DNAH12: variants seen among roughly 807,000 people sequenced by gnomAD.
DNAH12 encodes dynein axonemal heavy chain 12, also known as axonemal beta dynein heavy chain 12.
DNAH12 carries 285 observed loss-of-function variants against 371.5 expected under a neutral mutation model. The observed-to-expected ratio is 0.77, with a 90% CI of 0.70 to 0.85. DNAH12 has a LOEUF of 0.85. DNAH12 is among the 40% of genes least tolerant of loss of function. The pLI is 0.00. For synonymous variants in DNAH12, 1,200 were observed against 1,213.0 expected (o/e 0.99, Z 0.22); for missense variants, 3,611 against 3,689.4 (o/e 0.98, Z 0.55).
At position 57,293,818 on chromosome 3, in the gene DNAH12, T is replaced by C; in HGVS notation, c.11846A>G (p.Lys3949Arg). 1 of 1,551,344 alleles carries C rather than the reference T, an allele frequency of 6.4e-7. No homozygotes were observed. Among genetic ancestry groups the C allele is most frequent in the Non-Finnish European group, 8.7e-7 (1 of 1,146,812 alleles). The change falls in exon 74 of 74, where the codon AAG becomes AGG. Residue 3949 changes from lysine to arginine, a missense_variant. Lys to Arg is a conservative substitution (Grantham distance 26). Transcript: ENST00000495027. Reference sequence around the variant, plus strand: ...CTGACAAAGCAAAGCAACCCCGCGCTTGATCCAGTGCCGAGTAGGTTGGTC... The same window carrying C: ...CTGACAAAGCAAAGCAACCCCGCGCCTGATCCAGTGCCGAGTAGGTTGGTC... ...KTDQPTRHWIKRGVALLCQLD... is the reference protein window; with the variant it reads ...KTDQPTRHWIRRGVALLCQLD...
chr3:57,542,629 T>C lies in DNAH12; in HGVS notation c.170+72A>G, dbSNP rs185898945. ...TGAACAACCTCCACAGTTAAAACTT[T>C]TTAGGAGAATATGAACACTAATCAT... On this transcript the variant is annotated intron_variant, in intron 2 of 73. Transcript: ENST00000495027. 31 of 1,473,430 alleles carry C rather than the reference T, an allele frequency of 2.1e-5. No individual in the cohort carries two copies. In the Admixed American group the frequency reaches 2.4e-4, roughly 12 times the overall value. The allele number at this position is 1,473,430 out of a possible 1,614,324, so 91.3% of individuals were successfully genotyped here. A position where few individuals can be genotyped will look rare whatever the true frequency, so the allele number is the denominator to read the frequency against.
At position 57,309,245 on chromosome 3, in the gene DNAH12, C is replaced by G; in HGVS notation, c.11095G>C (p.Asp3699His). The G allele has an allele frequency of 6.5e-7, 1 of 1,545,326 alleles. No individual in the cohort carries two copies. Among genetic ancestry groups the G allele is most frequent in the African/African-American group, 1.4e-5 (1 of 72,822 alleles). Residue 3699 changes from aspartate to histidine, a missense_variant, in exon 69 of 74, where the codon GAT (aspartate) becomes CAT (histidine). Physicochemically the swap from Asp to His is moderately conservative, Grantham distance 81. Transcript: ENST00000495027. ...TKDILNKLPS[D>H]FDIEMALRKY... ...CGTAGTGCCATTTCAATGTCGAAAT[C>G]ACTAGGGAGCTAAAAGAATAGATTT...
chr3:57,505,148 C>G (rs1453344876), intron 8 of DNAH12, among the ~76,000 whole-genome samples: 2 of 152,138 alleles, frequency 1.3e-5, no homozygotes, highest in Non-Finnish European at 2.9e-5. Context: ...TTTGGCCTCT[C>G]ACAGTGCTGG....
intron 39 of DNAH12, among the ~76,000 whole-genome samples, chr3:57,410,841 G>A (rs1442195322): frequency 2.7e-5 from 4 of 148,546 alleles, no homozygotes; most frequent in South Asian, 2.1e-4. Flanking sequence ...AGCCAAAAAC[G>A]TCCTAGTAAA....
chr3:57,397,241 C>A (rs999126902), intron 43 of DNAH12, among the ~76,000 whole-genome samples: 6 of 152,108 alleles, frequency 3.9e-5, no homozygotes, highest in Non-Finnish European at 8.8e-5. Context: ...ACACAATTAC[C>A]TTTGTAAGGA....
intron 69 of DNAH12, among the ~76,000 whole-genome samples, chr3:57,307,077 A>G (rs1406306477): frequency 6.6e-6 from 1 of 152,094 alleles, no homozygotes; most frequent in Non-Finnish European, 1.5e-5. Context: ...TTCTTCAGTC[A>G]CGCCCAAATT....
At chr3:57,314,046 A>G (rs1008987936) in intron 66 of DNAH12, among the ~76,000 whole-genome samples, 36 of 152,098 alleles carry the variant, frequency 2.4e-4, no homozygotes, top group African/African-American at 8.5e-4. Flanking sequence ...CCTTTCAATA[A>G]ATTATTTTTC....
At chr3:57,425,328 G>A (rs148155002) in intron 34 of DNAH12, among the ~76,000 whole-genome samples, 187 bp from the exon 35 acceptor site, 3,206 of 152,010 alleles carry the variant, frequency 0.021, 95 homozygotes, top group African/African-American at 0.073. Flanking sequence ...GCTCACTGCA[G>A]CCTCCAACTC....
intron 11 of DNAH12, among the ~76,000 whole-genome samples, chr3:57,490,305 C>T (rs2067072700): frequency 6.6e-6 from 1 of 152,050 alleles, no homozygotes; most frequent in Admixed American, 6.6e-5. Flanking sequence ...GCATTCCAGG[C>T]TGGGTGACAG....
intron 16 of DNAH12, 75 bp downstream of exon 16, chr3:57,470,368 A>AT: frequency 7.1e-7 from 1 of 1,405,040 alleles, no homozygotes; most frequent in Non-Finnish European, 9.4e-7. Flanking sequence ...CACTTAACCA[A>AT]AAAAAAAATC....
At chr3:57,406,002 A>T (rs1575555523) in intron 40 of DNAH12, 50 bp from the exon 41 acceptor site, 1 of 1,473,780 alleles carries the variant, frequency 6.8e-7, no homozygotes. Flanking sequence ...TATAATCAGT[A>T]AAGTCATGTA....
intron 43 of DNAH12, among the ~76,000 whole-genome samples, chr3:57,400,158 T>G (rs2063827301): frequency 6.6e-6 from 1 of 152,082 alleles, no homozygotes; most frequent in Non-Finnish European, 1.5e-5. Flanking sequence ...CATGGTGGTG[T>G]GCACCTGTAA....
At chr3:57,296,556 A>G (rs912767358) in intron 71 of DNAH12, 121 bp from the exon 72 acceptor site, 36 of 815,222 alleles carry the variant, frequency 4.4e-5, no homozygotes, top group Non-Finnish European at 6.4e-5. Flanking sequence ...AGCTTGTTAA[A>G]CTATACATTT....
chr3:57,487,446 A>G lies in DNAH12; in HGVS notation c.1514+2063T>C, dbSNP rs922208057. On this transcript the variant is annotated intron_variant, in intron 12 of 73. Coordinates refer to ENST00000495027, the MANE Select transcript of DNAH12 (RefSeq NM_001366028.2). ...AGAAAAAAAAGAAAGAGCAAGCATT[A>G]ATGTGGATAATGCAAAAAGACAGAT... Among the ~76,000 whole-genome samples, 5 of 152,092 alleles carry G rather than the reference A, an allele frequency of 3.3e-5. 1 individual carries two copies. In the South Asian group the frequency reaches 1.0e-3, roughly 31 times the overall value.
chr3:57,449,286 A>G (rs935546754), intron 25 of DNAH12, among the ~76,000 whole-genome samples: 11 of 152,210 alleles, frequency 7.2e-5, no homozygotes, highest in Admixed American at 7.2e-4. Flanking sequence ...GGCTTCACCT[A>G]GTGGATCCCA....
chr3:57,432,629 A>G, intron 32 of DNAH12, among the ~76,000 whole-genome samples: 1 of 152,222 alleles, frequency 6.6e-6, no homozygotes, highest in East Asian at 1.9e-4. Context: ...CTACAGTAAT[A>G]TGAACATCAC....
At chr3:57,424,914 T>C (rs2064715674) in intron 35 of DNAH12, 108 bp downstream of exon 35, 1 of 569,334 alleles carries the variant, frequency 1.8e-6, no homozygotes, top group Non-Finnish European at 3.1e-6. Flanking sequence ...CTTTCAATGC[T>C]CACCAAAAAA....
intron 4 of DNAH12, among the ~76,000 whole-genome samples, chr3:57,517,275 TTA>T (rs965636787): frequency 5.3e-5 from 8 of 152,304 alleles, no homozygotes; most frequent in Admixed American, 2.6e-4. Context: ...TATTTAATTA[TTA>T]TATGTCTTCC....
chr3:57,543,773 G>A (rs553374474), intron 1 of DNAH12, among the ~76,000 whole-genome samples: 61 of 151,604 alleles, frequency 4.0e-4, no homozygotes, highest in Non-Finnish European at 2.1e-4. Context: ...TGGGCCAGGC[G>A]CGGTGGCTCA....
Sources: gnomAD v4.1 joint callset for allele counts (sites outside exome capture counted in the v4.1 genomes callset) on GRCh38, gnomAD v4.1.1 for gene constraint, MANE v1.5 for transcripts, NCBI Gene and HGNC (gene_info 2026-07-23, HGNC 2026-07-21) for gene names.